KIRREL1: variants seen among roughly 807,000 people sequenced by gnomAD.
The protein encoded by KIRREL1 is kirre like nephrin family adhesion molecule 1, also known as kin of IRRE-like protein 1.
In KIRREL1, 25 loss-of-function variants were observed where a neutral mutation model predicts 83.3. That is an observed-to-expected ratio of 0.30 (90% CI 0.22 to 0.42). The LOEUF is 0.42. KIRREL1 is among the 10% of genes least tolerant of loss of function. The pLI, the probability that KIRREL1 is intolerant of heterozygous loss-of-function variation, is 1.00. For synonymous variants in KIRREL1, 388 were observed against 410.4 expected (o/e 0.95, Z 0.66); for missense variants, 812 against 1,032.3 (o/e 0.79, Z 2.92).
At chr1:158,018,615 C>A (rs1659907218) in intron 1 of KIRREL1, among the ~76,000 whole-genome samples, 1 of 152,098 alleles carries the variant, frequency 6.6e-6, no homozygotes, top group Non-Finnish European at 1.5e-5. Flanking sequence ...CAAAAAGTAG[C>A]ATGGGGCATT....
chr1:158,002,206 A>C (rs1037503314), intron 1 of KIRREL1, among the ~76,000 whole-genome samples: 22 of 152,218 alleles, frequency 1.4e-4, no homozygotes, highest in Non-Finnish European at 2.2e-4. Flanking sequence ...GCCTGGAGGC[A>C]GAGTTCAACG....
At chr1:158,053,542 T>C (rs12561890) in intron 1 of KIRREL1, among the ~76,000 whole-genome samples, 12,357 of 152,252 alleles carry the variant, frequency 0.081, 536 homozygotes, top group Middle Eastern at 0.15. Context: ...TCCTTTCTGT[T>C]CTTTGTGCCC....
At chr1:158,081,822 G>T (rs541350933) in intron 3 of KIRREL1, among the ~76,000 whole-genome samples, 1 of 152,270 alleles carries the variant, frequency 6.6e-6, no homozygotes, top group African/African-American at 2.4e-5. Context: ...GGTAGTCTTT[G>T]CATGAACAAA....
chr1:158,026,947 A>G (rs914022000), intron 1 of KIRREL1, among the ~76,000 whole-genome samples: 3 of 152,150 alleles, frequency 2.0e-5, no homozygotes, highest in Non-Finnish European at 4.4e-5. Flanking sequence ...CCAGCAAGCA[A>G]TCAGTCTTCC....
intron 1 of KIRREL1, among the ~76,000 whole-genome samples, chr1:158,069,191 A>G (rs934097232): frequency 2.6e-5 from 4 of 152,116 alleles, no homozygotes; most frequent in Admixed American, 2.0e-4. Flanking sequence ...CCATGGGTGC[A>G]GAGACAAGTA....
chr1:157,993,870 G>C, intron 1 of KIRREL1, 142 bp downstream of exon 1: 3 of 488,770 alleles, frequency 6.1e-6, no homozygotes, highest in Non-Finnish European at 7.2e-6. Flanking sequence ...GGCTCGGTCC[G>C]GGCGCAGAGC....
intron 1 of KIRREL1, among the ~76,000 whole-genome samples, chr1:158,070,014 C>T (rs566088634): frequency 3.9e-5 from 6 of 152,266 alleles, no homozygotes; most frequent in South Asian, 4.2e-4. Context: ...CCTTGGCTAC[C>T]GCTCCTCCCT....
intron 1 of KIRREL1, among the ~76,000 whole-genome samples, chr1:158,034,775 G>A (rs1660430069): frequency 6.6e-6 from 1 of 152,224 alleles, no homozygotes. Context: ...AGGGACGGGA[G>A]ACCCTGGTGA....
At chr1:158,052,655 G>A (rs1304880404) in intron 1 of KIRREL1, among the ~76,000 whole-genome samples, 3 of 151,726 alleles carry the variant, frequency 2.0e-5, no homozygotes, top group Non-Finnish European at 2.9e-5. Flanking sequence ...GCGTGGTGGC[G>A]GGTGCCTGTA....
intron 3 of KIRREL1, among the ~76,000 whole-genome samples, chr1:158,082,705 T>C (rs1049872783): frequency 1.3e-5 from 2 of 152,188 alleles, no homozygotes; most frequent in Non-Finnish European, 2.9e-5. Context: ...CGCTGGCTCA[T>C]GCTTGTAATC....
chr1:158,021,692 C>A (rs1660007363), intron 1 of KIRREL1, among the ~76,000 whole-genome samples: 1 of 152,178 alleles, frequency 6.6e-6, no homozygotes, highest in African/African-American at 2.4e-5. Flanking sequence ...TTCAGTCTCC[C>A]TCCCTTTCCT....
chr1:158,075,354 C>T (rs894140903), intron 1 of KIRREL1, among the ~76,000 whole-genome samples: 31 of 152,250 alleles, frequency 2.0e-4, no homozygotes, highest in African/African-American at 6.8e-4. Context: ...CGTGGCCTCT[C>T]AGCTCCCACA....
rs372112506 is a variant in KIRREL1 at position 158,091,434 on chromosome 1, G to T, written c.1349G>T (p.Ser450Ile). Reference protein sequence around the residue: ...RYTVERTNSGSGVLSTLTINN... With the variant: ...RYTVERTNSGIGVLSTLTINN... ...ACAGTGGAGAGGACCAACTCAGGCA[G>T]TGGGGTGCTATCCACGCTCACCATC... Residue 450 changes from serine to isoleucine, a missense_variant, in exon 11 of 15, where the codon AGT becomes ATT. By Grantham distance (142) the Ser-to-Ile change is moderately radical. Around this residue, in one of 3 missense-constraint regions of KIRREL1, gnomAD observed 472 missense variants for 626.8 expected, o/e 0.75. Coordinates refer to ENST00000359209, the MANE Select transcript of KIRREL1 (RefSeq NM_018240.7). The T allele has an allele frequency of 3.1e-6, 5 of 1,614,152 alleles. No individual in the cohort carries two copies. The highest frequency in any genetic ancestry group is 4.5e-5 in the East Asian group (2 of 44,882).
intron 1 of KIRREL1, among the ~76,000 whole-genome samples, chr1:158,023,517 A>G (rs1164931146): frequency 6.6e-6 from 1 of 152,184 alleles, no homozygotes; most frequent in Non-Finnish European, 1.5e-5. Context: ...TGAGCATAAG[A>G]GGCATAATTA....
At chr1:158,009,149 C>T (rs1448220709) in intron 1 of KIRREL1, among the ~76,000 whole-genome samples, 3 of 152,188 alleles carry the variant, frequency 2.0e-5, no homozygotes, top group African/African-American at 7.2e-5. Context: ...GTCTGTCCCT[C>T]GTTCCTGTTC....
At chr1:158,059,290 G>A (rs892156420) in intron 1 of KIRREL1, among the ~76,000 whole-genome samples, 9 of 151,966 alleles carry the variant, frequency 5.9e-5, no homozygotes, top group Non-Finnish European at 8.8e-5. Flanking sequence ...CCCTTTTTCC[G>A]GAGCCTCACA....
At chr1:158,003,583 C>T (rs1052102021) in intron 1 of KIRREL1, among the ~76,000 whole-genome samples, 1 of 152,174 alleles carries the variant, frequency 6.6e-6, no homozygotes, top group Non-Finnish European at 1.5e-5. Context: ...CACACACACA[C>T]ACTCGTGGCT....
Position 158,096,953 on chromosome 1 carries a change from T to C in KIRREL1, c.*1833T>C, listed in dbSNP as rs1343314077. 2.4e-5 allele frequency: 11 copies of C among 456,784 alleles called. No homozygotes were observed. The highest frequency in any genetic ancestry group is 4.8e-5 in the Non-Finnish European group (11 of 226,982). The allele number at this position is 456,784 out of a possible 1,614,324, so 28.3% of individuals were successfully genotyped here. On this transcript the variant is annotated 3_prime_UTR_variant, in exon 15 of 15. Transcript: ENST00000359209. ...CAGCCACAGGCCATTACCACCCTTA[T>C]GGATGGGTCTGGGGGGCGACATTCC...
chr1:158,072,293 C>T lies in KIRREL1; in HGVS notation c.53-3820C>T, dbSNP rs1452182623. Among the ~76,000 whole-genome samples, 3 of 152,086 alleles carry T rather than the reference C, an allele frequency of 2.0e-5. No homozygotes were observed. In the East Asian group the frequency reaches 5.8e-4, roughly 29 times the overall value. On this transcript the variant is annotated intron_variant, in intron 1 of 14. Transcript: ENST00000359209. ...TGCCTCCTTTTCTGGATGGTGGTTT[C>T]ACAGGCAGGACTGTGGACTCGGATT...
Sources: gnomAD v4.1 joint callset for allele counts (sites outside exome capture counted in the v4.1 genomes callset) on GRCh38, gnomAD v4.1.1 for gene constraint, gnomAD v4.1.1 regional missense constraint, MANE v1.5 for transcripts, NCBI Gene and HGNC (gene_info 2026-07-23, HGNC 2026-07-21) for gene names.